Variants in PTBP3 observed in about 807,000 individuals in gnomAD.
PTBP3 encodes the protein polypyrimidine tract binding protein 3.
In PTBP3, 20 loss-of-function variants were observed where a neutral mutation model predicts 58.7. That is an observed-to-expected ratio of 0.34 (90% confidence interval 0.24 to 0.50). PTBP3 has a LOEUF of 0.50. Ranked by LOEUF, PTBP3 falls within the 20% of genes least tolerant of loss-of-function variation. PTBP3 has a pLI of 0.98. For missense variants in PTBP3, 509 were observed against 637.2 expected (o/e 0.80, Z 2.17); for synonymous variants, 185 against 219.8 (o/e 0.84, Z 1.40).
At chr9:112,231,316 A>G in intron 10 of PTBP3, 64 bp downstream of exon 10, 1 of 1,364,606 alleles carries the variant, frequency 7.3e-7, no homozygotes, top group Non-Finnish European at 9.9e-7. Context: ...ACATATTACT[A>G]AAAAAGTGAA....
At chr9:112,296,357 C>A (rs997338143) in intron 2 of PTBP3, among the ~76,000 whole-genome samples, 4 of 151,878 alleles carry the variant, frequency 2.6e-5, no homozygotes, top group Non-Finnish European at 5.9e-5. Context: ...TATGCTTTAA[C>A]GCTTTCATTT....
chr9:112,254,092 G>A (rs1362018686), intron 5 of PTBP3, among the ~76,000 whole-genome samples: 2 of 152,124 alleles, frequency 1.3e-5, no homozygotes, highest in Non-Finnish European at 2.9e-5. Flanking sequence ...CCAGGCTCAT[G>A]CGATCCTCCC....
At chr9:112,234,086 G>A (rs1835354709) in intron 8 of PTBP3, among the ~76,000 whole-genome samples, 1 of 99,396 alleles carries the variant, frequency 1.0e-5, no homozygotes, top group African/African-American at 7.2e-5. Context: ...TGTGGAGTAG[G>A]CTTACCAAAC....
In PTBP3 at chr9:112,262,564, G is replaced by A. The variant is rs1158002289; in HGVS notation, c.387C>T (p.Val129=). The part of the protein sequence containing the change: ...AQAALQAVSA[V]QSGSLALSGG... ...CAGAAAGGGCCAGGCTTCCTGATTG[G>A]ACGGCACTGACAGCCTGCAGTGCAG... The change falls in exon 5 of 14, where the codon GTC becomes GTT. Residue 129 remains valine, a synonymous_variant. Coordinates refer to ENST00000374257, the MANE Select transcript of PTBP3 (RefSeq NM_001163788.4). The A allele has an allele frequency of 3.1e-6, 5 of 1,610,200 alleles. No homozygotes were observed. The highest frequency in any genetic ancestry group is 4.2e-6 in the Non-Finnish European group (5 of 1,178,516).
the PTBP3 span, among the ~76,000 whole-genome samples, chr9:112,375,625 C>T: frequency 2.7e-4 from 41 of 152,272 alleles, no homozygotes; most frequent in Non-Finnish European, 5.7e-4. Flanking sequence ...CAGGGTGGCA[C>T]GAGCGGAGAC....
At chr9:112,330,856 T>C (rs1830340385) in intron 1 of PTBP3, among the ~76,000 whole-genome samples, 2 of 152,182 alleles carry the variant, frequency 1.3e-5, no homozygotes, top group African/African-American at 2.4e-5. Context: ...AGGTTTTAAA[T>C]GAAACAAAAC....
At chr9:112,351,241 C>T in the PTBP3 span, among the ~76,000 whole-genome samples, 10 of 152,140 alleles carry the variant, frequency 6.6e-5, no homozygotes, top group Admixed American at 6.5e-4. Context: ...TTCTCACTTG[C>T]CTCGTTTGTG....
chr9:112,276,155 A>C (rs1827601998), intron 2 of PTBP3, 142 bp from the exon 3 acceptor site: 3 of 681,786 alleles, frequency 4.4e-6, no homozygotes, highest in Non-Finnish European at 7.3e-6. Context: ...GGGTAGGTGG[A>C]AAAGGAGAGT....
At chr9:112,339,711 A>G in the PTBP3 span, among the ~76,000 whole-genome samples, 6 of 151,102 alleles carry the variant, frequency 4.0e-5, no homozygotes, top group African/African-American at 1.5e-4. Context: ...TTACAGGTAC[A>G]CCCCACCACA....
At chr9:112,271,771 G>A (rs1186384177) in intron 3 of PTBP3, among the ~76,000 whole-genome samples, 1 of 152,036 alleles carries the variant, frequency 6.6e-6, no homozygotes, top group Non-Finnish European at 1.5e-5. Flanking sequence ...AAAGAAAATA[G>A]TTTATAATCT....
At chr9:112,292,934 C>T (rs1192651492) in intron 2 of PTBP3, among the ~76,000 whole-genome samples, 2 of 152,036 alleles carry the variant, frequency 1.3e-5, no homozygotes, top group South Asian at 2.1e-4. Flanking sequence ...AGATAGAGGG[C>T]ACACAAGCAA....
intron 6 of PTBP3, 62 bp from the exon 7 acceptor site, chr9:112,251,165 T>G: frequency 7.6e-7 from 1 of 1,313,642 alleles, no homozygotes; most frequent in Non-Finnish European, 1.0e-6. Context: ...CCAAGAAGCC[T>G]CTACTTTGAC....
At chr9:112,259,429 A>G (rs1836502194) in intron 5 of PTBP3, among the ~76,000 whole-genome samples, 1 of 152,166 alleles carries the variant, frequency 6.6e-6, no homozygotes, top group East Asian at 1.9e-4. Flanking sequence ...TACTCTCTCT[A>G]TTCCAGTGAC....
chr9:112,227,542 T>C lies in PTBP3; in HGVS notation c.1233A>G (p.Arg411=). ...LSKHQAVQLP[R]EGQEDQGLTK... is the part of the protein sequence containing the mutation. ...TCAGACCTTGGTCTTCTTGTCCCTC[T>C]CGAGGAAGCTGTACTGCTTGATGTT... Residue 411 remains arginine, a synonymous_variant, in exon 12 of 14, where the codon CGA becomes CGG. Transcript: ENST00000374257. 1 of 1,613,992 alleles carries C rather than the reference T, an allele frequency of 6.2e-7. No homozygotes were observed. The highest frequency in any genetic ancestry group is 8.5e-7 in the Non-Finnish European group (1 of 1,179,920).
chr9:112,341,566 T>C, the PTBP3 span, among the ~76,000 whole-genome samples: 1 of 152,216 alleles, frequency 6.6e-6, no homozygotes, highest in Non-Finnish European at 1.5e-5. Context: ...ATCTGCAGCT[T>C]ACTAAAGAAT....
In PTBP3 at chr9:112,220,955, A is replaced by G. The variant is rs1276407139; in HGVS notation, c.*2896T>C. The G allele has an allele frequency of 1.0e-6, 1 of 964,702 alleles. No individual in the cohort carries two copies. The highest frequency in any genetic ancestry group is 1.2e-6 in the Non-Finnish European group (1 of 811,204). 59.8% of individuals were successfully genotyped at this position (964,702 alleles called of 1,614,324 possible). On this transcript the variant is annotated 3_prime_UTR_variant, in exon 14 of 14. Transcript: ENST00000374257. ...GAAGATACTGAATAAATGCATGCCA[A>G]AACAGAGATACACAGATCTAGTTTT... is the stretch of plus-strand genomic sequence containing the variant.
At chr9:112,355,621 C>CTTTTT in the PTBP3 span, among the ~76,000 whole-genome samples, 46 of 127,788 alleles carry the variant, frequency 3.6e-4, no homozygotes, top group Non-Finnish European at 5.0e-4. Flanking sequence ...AACTCTTTTT[C>CTTTTT]TTTTTTTTTT....
the PTBP3 span, among the ~76,000 whole-genome samples, chr9:112,351,340 G>A: frequency 2.6e-5 from 4 of 152,148 alleles, no homozygotes; most frequent in East Asian, 7.7e-4. Flanking sequence ...TTAGACCAGG[G>A]TTATATGTTT....
At chr9:112,291,193 G>C (rs1431379675) in intron 2 of PTBP3, among the ~76,000 whole-genome samples, 8 of 151,528 alleles carry the variant, frequency 5.3e-5, no homozygotes, top group Admixed American at 5.3e-4. Flanking sequence ...TTGCACTCCA[G>C]ACTGGGCAAC....
Sources: allele counts gnomAD v4.1 joint callset (sites outside exome capture counted in the v4.1 genomes callset), GRCh38; gene constraint gnomAD v4.1.1; transcripts MANE v1.5; gene names NCBI Gene and HGNC (gene_info 2026-07-23, HGNC 2026-07-21).